The following ANKS1A variants were observed in gnomAD, a reference collection of about 807,000 sequenced individuals.
ANKS1A encodes ankyrin repeat and sterile alpha motif domain containing 1A.
Under a neutral mutation model 120.3 loss-of-function variants are expected in ANKS1A, and 55 were observed. The observed-to-expected ratio is 0.46, with a 90% CI of 0.37 to 0.57. ANKS1A has a LOEUF of 0.57. ANKS1A is among the 20% of genes least tolerant of loss of function. The pLI is 0.00. For synonymous variants in ANKS1A, 590 were observed against 604.7 expected, an observed-to-expected ratio of 0.98 and a Z score of 0.36; for missense variants, 1,123 against 1,480.3, an observed-to-expected ratio of 0.76 and a Z score of 3.96.
chr6:34,971,196 A>G (rs1218537894), intron 3 of ANKS1A, among the ~76,000 whole-genome samples: 2 of 152,212 alleles, frequency 1.3e-5, no homozygotes, highest in Admixed American at 6.5e-5. Flanking sequence ...GAGGTGATTC[A>G]GTGGAATGAA....
chr6:34,891,473 G>A (rs1766820913), intron 1 of ANKS1A, among the ~76,000 whole-genome samples: 1 of 152,208 alleles, frequency 6.6e-6, no homozygotes, highest in South Asian at 2.1e-4. Flanking sequence ...TCTGATGTCT[G>A]AGAGGTGACA....
intron 1 of ANKS1A, among the ~76,000 whole-genome samples, chr6:34,934,059 A>G (rs1769127949): frequency 1.3e-5 from 2 of 152,042 alleles, no homozygotes; most frequent in Non-Finnish European, 2.9e-5. Context: ...TTTCTCTTAT[A>G]CTCCATACAA....
intron 1 of ANKS1A, among the ~76,000 whole-genome samples, chr6:34,954,759 C>G (rs1329928419): frequency 6.6e-6 from 1 of 152,206 alleles, no homozygotes; most frequent in African/African-American, 2.4e-5. Context: ...GTGCATCAGT[C>G]CCACTGGAAG....
intron 11 of ANKS1A, among the ~76,000 whole-genome samples, chr6:35,040,576 T>C (rs918219245): frequency 6.6e-6 from 1 of 152,262 alleles, no homozygotes; most frequent in African/African-American, 2.4e-5. Flanking sequence ...ATTCTGATGC[T>C]TGTGCCTGCC....
intron 3 of ANKS1A, among the ~76,000 whole-genome samples, chr6:34,970,984 G>A (rs1771156442): frequency 6.6e-6 from 1 of 152,180 alleles, no homozygotes; most frequent in African/African-American, 2.4e-5. Flanking sequence ...CTGCAGCCTG[G>A]GTGACAGAGT....
intron 1 of ANKS1A, among the ~76,000 whole-genome samples, chr6:34,966,785 A>T (rs1687698933): frequency 6.6e-6 from 1 of 152,182 alleles, no homozygotes; most frequent in Non-Finnish European, 1.5e-5. Context: ...CTTGCATCTT[A>T]AGACACGTCT....
chr6:34,919,533 A>G (rs1050787429), intron 1 of ANKS1A, among the ~76,000 whole-genome samples: 1 of 152,198 alleles, frequency 6.6e-6, no homozygotes, highest in African/African-American at 2.4e-5. Flanking sequence ...CTCTTTGCCT[A>G]CAGAACTTCC....
chr6:35,044,869 A>G lies in ANKS1A; in HGVS notation c.2011-9230A>G, dbSNP rs1775641025. Among the ~76,000 whole-genome samples the G allele has an allele frequency of 6.6e-6, 1 of 152,220 alleles. No individual in the cohort carries two copies. The highest frequency in any genetic ancestry group is 2.4e-5 in the African/African-American group (1 of 41,452). On this transcript the variant is annotated intron_variant, in intron 11 of 23. Transcript: ENST00000360359. This position sits in a 1 kb window ranked among gnomAD's most constrained non-coding sequence, Gnocchi z 4.4. Reference sequence around the variant, plus strand: ...GCCCTGTCTAATCGCTGTAAACTGAAATGTGCAAGGGAGGAGGGTGGTGTG... The same window carrying G: ...GCCCTGTCTAATCGCTGTAAACTGAGATGTGCAAGGGAGGAGGGTGGTGTG...
chr6:35,051,198 A>C (rs78724467), intron 11 of ANKS1A, among the ~76,000 whole-genome samples: 1 of 149,850 alleles, frequency 6.7e-6, no homozygotes, highest in Non-Finnish European at 1.5e-5. Context: ...TGTCTCAAAG[A>C]AAAAAAAAAG....
intron 13 of ANKS1A, 62 bp from the exon 14 acceptor site, chr6:35,078,496 C>T (rs1425725132): frequency 5.3e-6 from 8 of 1,505,488 alleles, no homozygotes; most frequent in Middle Eastern, 1.7e-4. Context: ...CCCACCTGAC[C>T]CCCTCAGGGC....
intron 8 of ANKS1A, among the ~76,000 whole-genome samples, chr6:34,988,532 C>T (rs959243453): frequency 2.6e-5 from 4 of 152,164 alleles, no homozygotes; most frequent in Non-Finnish European, 5.9e-5. Flanking sequence ...GGAGGCGGAG[C>T]TTGCAGTGAG....
rs1264861835 is a variant in ANKS1A at position 34,982,760 on chromosome 6, G to A, written c.741G>A (p.Met247Ile). The part of the protein sequence containing the change: ...AGMDSNYQTE[M>I]GSALHEAALF... ...TCTCGTTTGCTTTCCAGACGGAGAT[G>A]GGCAGTGCTTTGCATGAGGCTGCTT... is the stretch of plus-strand genomic sequence containing the variant. Residue 247 changes from methionine to isoleucine, a missense_variant, in exon 5 of 24, where the codon ATG becomes ATA. By Grantham distance (10) the Met-to-Ile change is conservative (BLOSUM62 1). Transcript: ENST00000360359. This position sits in a 1 kb window ranked among gnomAD's most constrained non-coding sequence, Gnocchi z 4.9. 1 of 1,614,124 alleles carries A rather than the reference G, an allele frequency of 6.2e-7. No homozygotes were observed. The highest frequency in any genetic ancestry group is 1.3e-5 in the African/African-American group (1 of 74,936).
rs1447180596 is a variant in ANKS1A at position 35,017,685 on chromosome 6, G to A, written c.1636G>A (p.Glu546Lys). 6.2e-7 allele frequency: 1 copy of A among 1,613,930 alleles called. No individual in the cohort carries two copies. The highest frequency in any genetic ancestry group is 2.2e-5 in the East Asian group (1 of 44,894). The change falls in exon 11 of 24, where the codon GAG becomes AAG. Residue 546 changes from glutamate (E) to lysine (K), a missense_variant. By Grantham distance (56) the Glu-to-Lys change is moderately conservative (BLOSUM62 1). Transcript: ENST00000360359. ...ACHKASMQLE[E>K]TGVHAPGASQ... ...CCACAAGGCCAGCATGCAGCTGGAG[G>A]AGACGGGTGTGCATGCTCCTGGAGC...
intron 10 of ANKS1A, 108 bp downstream of exon 10, chr6:34,994,530 G>A: frequency 6.7e-7 from 1 of 1,482,438 alleles, no homozygotes; most frequent in Non-Finnish European, 9.1e-7. Flanking sequence ...CTTGGGTTGT[G>A]GTGGTTGGGT....
chr6:34,971,668 T>C (rs1014671004), intron 3 of ANKS1A, among the ~76,000 whole-genome samples: 3 of 152,184 alleles, frequency 2.0e-5, no homozygotes, highest in African/African-American at 7.2e-5. Flanking sequence ...AAATAGGAAA[T>C]TATCCTGGCA....
intron 1 of ANKS1A, among the ~76,000 whole-genome samples, chr6:34,941,618 G>C (rs1211829992): frequency 6.6e-6 from 1 of 152,114 alleles, no homozygotes; most frequent in East Asian, 1.9e-4. Context: ...AATTAATGTT[G>C]AATCAGCAAT....
rs570697071 is a variant in ANKS1A at position 35,053,688 on chromosome 6, A to G, written c.2011-411A>G. Reference sequence around the variant, plus strand: ...AGGCACTCAGGGTAGCATGGAACAAAGCCGGCAAAGTCTTCACTCTCATGG... The same window carrying G: ...AGGCACTCAGGGTAGCATGGAACAAGGCCGGCAAAGTCTTCACTCTCATGG... On this transcript the variant is annotated intron_variant, in intron 11 of 23. Transcript: ENST00000360359. 8.9e-4 allele frequency among the ~76,000 whole-genome samples: 135 copies of G among 152,384 alleles called. 1 individual carries two copies. Among genetic ancestry groups the G allele is most frequent in the African/African-American group, 3.1e-3 (127 of 41,596 alleles).
At chr6:34,934,428 G>T (rs949247249) in intron 1 of ANKS1A, among the ~76,000 whole-genome samples, 2 of 152,172 alleles carry the variant, frequency 1.3e-5, no homozygotes, top group Non-Finnish European at 2.9e-5. Flanking sequence ...GATTACAGGC[G>T]TGAGCCACCA....
At chr6:34,933,419 G>A (rs1472865489) in intron 1 of ANKS1A, among the ~76,000 whole-genome samples, 1 of 152,206 alleles carries the variant, frequency 6.6e-6, no homozygotes, top group East Asian at 1.9e-4. Context: ...TGCCCAGGCT[G>A]GAGTGCAATG....
Sources: allele counts gnomAD v4.1 joint callset (sites outside exome capture counted in the v4.1 genomes callset), GRCh38; gene constraint gnomAD v4.1.1; non-coding constraint Gnocchi (gnomAD v3.1); transcripts MANE v1.5; gene names NCBI Gene and HGNC (gene_info 2026-07-23, HGNC 2026-07-21).